The following NEDD4L variants were observed in gnomAD, a reference collection of about 807,000 sequenced individuals.
NEDD4L encodes the protein NEDD4 like E3 ubiquitin protein ligase, also known as E3 ubiquitin-protein ligase NEDD4-like.
In NEDD4L, 54 loss-of-function variants were observed where a neutral mutation model predicts 148.9. The ratio of observed to expected loss-of-function variants is 0.36; its 90% CI spans 0.29 to 0.45. The LOEUF is 0.45. NEDD4L is among the 20% of genes least tolerant of loss of function. The pLI is 1.00. For synonymous variants in NEDD4L, 433 were observed against 440.7 expected (o/e 0.98, Z 0.22); for missense variants, 856 against 1,233.8 (o/e 0.69, Z 4.59).
chr18:58,246,935 A>G (rs1316623761), intron 3 of NEDD4L, among the ~76,000 whole-genome samples: 1 of 152,094 alleles, frequency 6.6e-6, no homozygotes, highest in Non-Finnish European at 1.5e-5. Context: ...AGCACTTTGG[A>G]GGCCGAGGCT....
At chr18:58,325,215 G>T in intron 9 of NEDD4L, 53 bp downstream of exon 9, 1 of 1,590,212 alleles carries the variant, frequency 6.3e-7, no homozygotes, top group Non-Finnish European at 8.6e-7. Context: ...CACAGCTAGG[G>T]ACAAATATGG....
chr18:58,311,885 A>G (rs1265697769), intron 5 of NEDD4L, among the ~76,000 whole-genome samples: 2 of 152,224 alleles, frequency 1.3e-5, no homozygotes, highest in African/African-American at 2.4e-5. Context: ...TGGAGCGATT[A>G]TAATAGCCCC....
At chr18:58,155,580 G>A in intron 1 of NEDD4L, among the ~76,000 whole-genome samples, 1 of 152,128 alleles carries the variant, frequency 6.6e-6, no homozygotes, top group Middle Eastern at 3.2e-3. Context: ...ATCTCATAAT[G>A]GACATTTGCA....
At chr18:58,082,296 C>T (rs578238311) in intron 1 of NEDD4L, among the ~76,000 whole-genome samples, 11 of 146,258 alleles carry the variant, frequency 7.5e-5, no homozygotes, top group East Asian at 6.1e-4. Flanking sequence ...TTAGTAGAGA[C>T]GGGGTTTCAC....
chr18:58,072,872 GCACACACACACACA>G (rs766485355), intron 1 of NEDD4L, among the ~76,000 whole-genome samples: 3,729 of 131,604 alleles, frequency 0.028, 147 homozygotes, highest in African/African-American at 0.11. Flanking sequence ...GCGCGCGCGC[GCACACACACACACA>G]CACACACACA....
At chr18:58,216,016 G>A (rs2043128068) in intron 2 of NEDD4L, among the ~76,000 whole-genome samples, 1 of 150,338 alleles carries the variant, frequency 6.7e-6, no homozygotes, top group South Asian at 2.1e-4. Context: ...CTGTTCCTAT[G>A]ATACCTCCCT....
chr18:58,262,148 C>T (rs1441634575), intron 5 of NEDD4L, among the ~76,000 whole-genome samples: 1 of 152,126 alleles, frequency 6.6e-6, no homozygotes, highest in African/African-American at 2.4e-5. Flanking sequence ...GTATGCCCCA[C>T]TCTGAATAAA....
chr18:58,054,253 C>T (rs949874487), intron 1 of NEDD4L, among the ~76,000 whole-genome samples: 4 of 152,204 alleles, frequency 2.6e-5, no homozygotes, highest in South Asian at 4.1e-4. Context: ...AACTTACTTA[C>T]GAATCTCCTA....
chr18:58,118,825 A>G (rs2052147735), intron 1 of NEDD4L, among the ~76,000 whole-genome samples: 1 of 152,044 alleles, frequency 6.6e-6, no homozygotes, highest in South Asian at 2.1e-4. Context: ...GGGGGAGCTG[A>G]CATCACACTC....
chr18:58,256,838 A>T lies in NEDD4L; in HGVS notation c.297+4784A>T. 1.7e-6 allele frequency: 2 copies of T among 1,210,520 alleles called. No homozygotes were observed. Among genetic ancestry groups the T allele is most frequent in the Non-Finnish European group, 1.0e-6 (1 of 968,816 alleles). The allele number at this position is 1,210,520 out of a possible 1,614,324, so 75.0% of individuals were successfully genotyped here. A position where few individuals can be genotyped will look rare whatever the true frequency, so the allele number is the denominator to read the frequency against. ...AACTTCGATGCTTACTCTGCGGCGT[A>T]ACCAAAATAAAACCTCACCCTCTGT... On this transcript the variant is annotated intron_variant, in intron 5 of 30. Transcript: ENST00000400345. The surrounding 1 kb of genome is among the most constrained non-coding windows in gnomAD (Gnocchi z 5.2).
At chr18:58,209,569 ATT>A (rs1334324789) in intron 2 of NEDD4L, among the ~76,000 whole-genome samples, 1 of 140,058 alleles carries the variant, frequency 7.1e-6, no homozygotes, top group Non-Finnish European at 1.5e-5. Context: ...CATCTTGGGT[ATT>A]TTTCTTTCTT....
At chr18:58,162,616 C>T (rs995862075) in intron 1 of NEDD4L, among the ~76,000 whole-genome samples, 3 of 150,160 alleles carry the variant, frequency 2.0e-5, no homozygotes, top group Non-Finnish European at 4.4e-5. Context: ...CTGTCTTCCG[C>T]CTACTAGATG....
rs531599730 is a variant in NEDD4L at position 58,255,618 on chromosome 18, C to A, written c.297+3564C>A. 9.2e-5 allele frequency: 114 copies of A among 1,232,444 alleles called. No individual in the cohort carries two copies. In the East Asian group the frequency reaches 3.2e-3, roughly 35 times the overall value. 76.3% of individuals were successfully genotyped at this position (1,232,444 alleles called of 1,614,324 possible). The stretch of plus-strand genomic sequence containing the variant: ...GGCCTGTTGTTGCCGCTTGCCCTAG[C>A]CCTCCTGGCCCCCCTGGTCACCATG... On this transcript the variant is annotated intron_variant, in intron 5 of 30. Transcript: ENST00000400345.
intron 1 of NEDD4L, among the ~76,000 whole-genome samples, chr18:58,066,983 A>G (rs905070687): frequency 2.0e-5 from 3 of 152,190 alleles, no homozygotes; most frequent in Non-Finnish European, 2.9e-5. Flanking sequence ...TCTAAACCAT[A>G]TAACCCTCAT....
At chr18:58,330,370 G>GT (rs2059691392) in intron 10 of NEDD4L, among the ~76,000 whole-genome samples, 1 of 152,124 alleles carries the variant, frequency 6.6e-6, no homozygotes, top group Admixed American at 6.6e-5. Context: ...GTGTGTGTTT[G>GT]TTTTTTTGCC....
chr18:58,300,121 T>G (rs1248123306), intron 5 of NEDD4L, among the ~76,000 whole-genome samples: 1 of 152,238 alleles, frequency 6.6e-6, no homozygotes, highest in Admixed American at 6.5e-5. Flanking sequence ...GACGAGTTAC[T>G]AGGCCTTTCT....
chr18:58,349,736 T>C (rs959394229), intron 17 of NEDD4L, 122 bp downstream of exon 17: 1 of 757,404 alleles, frequency 1.3e-6, no homozygotes, highest in Non-Finnish European at 2.3e-6. Flanking sequence ...CATTGGTTTG[T>C]GTTTCTTAAC....
At chr18:58,319,009 A>G (rs374900336) in intron 6 of NEDD4L, among the ~76,000 whole-genome samples, 2 of 152,196 alleles carry the variant, frequency 1.3e-5, no homozygotes, top group African/African-American at 2.4e-5. Context: ...GTATTATTTG[A>G]TGCCCTGCCT....
chr18:58,380,974 C>T (rs2048264189), intron 24 of NEDD4L, among the ~76,000 whole-genome samples: 1 of 152,138 alleles, frequency 6.6e-6, no homozygotes. Flanking sequence ...TTTAACCATG[C>T]CCTGTTGGTA....
Sources: gnomAD v4.1 joint callset for allele counts (sites outside exome capture counted in the v4.1 genomes callset) on GRCh38, gnomAD v4.1.1 for gene constraint, Gnocchi (gnomAD v3.1) non-coding constraint, MANE v1.5 for transcripts, NCBI Gene and HGNC (gene_info 2026-07-23, HGNC 2026-07-21) for gene names.